Variants in DHRS1 observed in about 807,000 individuals in gnomAD.
DHRS1 encodes dehydrogenase/reductase 1, also known as dehydrogenase/reductase SDR family member 1.
In DHRS1, 34 loss-of-function variants were observed where a neutral mutation model predicts 35.2. The observed-to-expected ratio is 0.97, with a 90% confidence interval of 0.74 to 1.29. The LOEUF (loss-of-function observed/expected upper bound fraction) is 1.29. Ranked by LOEUF, DHRS1 falls within the 50% of genes most tolerant of loss-of-function variation. DHRS1 has a pLI of 0.00. For synonymous variants in DHRS1, 133 were observed against 160.0 expected (o/e 0.83, Z 1.27); for missense variants, 354 against 403.6 (o/e 0.88, Z 1.05).
In DHRS1 at chr14:24,292,705, G is replaced by A. The variant is rs2041183903; in HGVS notation, c.454C>T (p.Pro152Ser). 6.2e-7 allele frequency: 1 copy of A among 1,614,208 alleles called. No individual in the cohort carries two copies. The highest frequency in any genetic ancestry group is 1.3e-5 in the African/African-American group (1 of 75,040). The part of the protein sequence containing the change: ...GQGLIVVISS[P>S]GSLQYMFNVP... ...TTGAACATATACTGCAGGCTTCCTG[G>A]GGAGGAGATGACCACGATGAGCCCC... The change falls in exon 5 of 9, where the codon CCA (proline) becomes TCA (serine). Residue 152 changes from proline (P) to serine (S), a missense_variant. Pro to Ser is a moderately conservative substitution (Grantham distance 74). Coordinates refer to ENST00000288111, the MANE Select transcript of DHRS1 (RefSeq NM_001136050.3).
chr14:24,292,140 C>A, intron 6 of DHRS1, 44 bp downstream of exon 6: 7 of 1,611,858 alleles, frequency 4.3e-6, no homozygotes, highest in Non-Finnish European at 5.9e-6. Flanking sequence ...GATGCAGAGG[C>A]CGACTCCCCT....
At chr14:24,297,780 C>G (rs1374218862) in intron 2 of DHRS1, among the ~76,000 whole-genome samples, 1 of 152,170 alleles carries the variant, frequency 6.6e-6, no homozygotes, top group Admixed American at 6.5e-5. Context: ...CGTCCCTATG[C>G]TTATGGAGCT....
Position 24,291,604 on chromosome 14 carries a change from C to T in DHRS1, c.676G>A (p.Ala226Thr). The change falls in exon 7 of 9, where the codon GCG (alanine) becomes ACG (threonine). Residue 226 changes from alanine (A) to threonine (T), a missense_variant. Coordinates refer to ENST00000288111, the MANE Select transcript of DHRS1 (RefSeq NM_001136050.3). Reference protein sequence around the residue: ...LKQFKSAFSSAETTELSGKCV... With the variant: ...LKQFKSAFSSTETTELSGKCV... ...TTGCCACTCAATTCTGTGGTTTCCG[C>T]AGATGAGAAGGCTGATTTGAACTGA... 6.2e-7 allele frequency: 1 copy of T among 1,614,234 alleles called. No homozygotes were observed. Among genetic ancestry groups the T allele is most frequent in the South Asian group, 1.1e-5 (1 of 91,090 alleles).
intron 6 of DHRS1, 35 bp downstream of exon 6, chr14:24,292,149 C>T (rs778208180): frequency 6.2e-7 from 1 of 1,613,704 alleles, no homozygotes; most frequent in Non-Finnish European, 8.5e-7. Flanking sequence ...GCCGACTCCC[C>T]TGTTCTCTGC....
Position 24,296,584 on chromosome 14 carries a change from A to G in DHRS1, c.299T>C (p.Ile100Thr). ...GAATGCCTTATTCCTGGTGTTCAGG[A>G]TCGTCTGGAAGGCACAGGGAGGGTG... ...VNNAYAGVQT[I>T]LNTRNKAFWE... Residue 100 changes from isoleucine to threonine, a missense_variant, in exon 4 of 9, where the codon ATC becomes ACC. By Grantham distance (89) the Ile-to-Thr change is moderately conservative. Coordinates refer to ENST00000288111, the MANE Select transcript of DHRS1 (RefSeq NM_001136050.3). 6.2e-7 allele frequency: 1 copy of G among 1,614,042 alleles called. No individual in the cohort carries two copies. The highest frequency in any genetic ancestry group is 1.1e-5 in the South Asian group (1 of 91,076).
intron 4 of DHRS1, chr14:24,294,572 A>G (rs1287239626): frequency 6.7e-6 from 1 of 148,690 alleles, no homozygotes; most frequent in Non-Finnish European, 1.5e-5. Context: ...TGGGTGACAG[A>G]GCGAGATTCC....
At chr14:24,296,985 C>T in intron 2 of DHRS1, 104 bp from the exon 3 acceptor site, 1 of 1,491,372 alleles carries the variant, frequency 6.7e-7, no homozygotes, top group African/African-American at 1.4e-5. Flanking sequence ...ACAATCAATC[C>T]TAGGAGAGCC....
intron 1 of DHRS1, 82 bp downstream of exon 1, chr14:24,299,499 C>G: frequency 4.7e-6 from 1 of 213,498 alleles, no homozygotes. Context: ...CCGGCTGAGC[C>G]AGAGGCGCAG....
At chr14:24,291,771 A>G in intron 6 of DHRS1, 146 bp from the exon 7 acceptor site, 1 of 803,868 alleles carries the variant, frequency 1.2e-6, no homozygotes, top group South Asian at 1.5e-5. Context: ...GACCCAAAGT[A>G]TTGGCAGGTG....
At chr14:24,299,221 C>T in intron 1 of DHRS1, 91 bp from the exon 2 acceptor site, 1 of 1,244,590 alleles carries the variant, frequency 8.0e-7, no homozygotes, top group Admixed American at 2.7e-5. Flanking sequence ...CTCACTAGGG[C>T]TAAGAGGAGG....
At chr14:24,291,810 G>A (rs1594602810) in intron 6 of DHRS1, 185 bp from the exon 7 acceptor site, 2 of 653,518 alleles carry the variant, frequency 3.1e-6, no homozygotes, top group Non-Finnish European at 5.4e-6. Flanking sequence ...ACATCCAGGT[G>A]AGCCCTGTGC....
rs774597422 is a variant in DHRS1 at position 24,296,502 on chromosome 14, C to T, written c.374+7G>A. On this transcript the variant is annotated splice_region_variant and intron_variant, in intron 4 of 8. Transcript: ENST00000288111. ...GGGAACATGGGTCCTGGCAGTGGAG[C>T]ACCCACCTGAGTCCGACGTTGTTGA... The T allele has an allele frequency of 1.2e-6, 2 of 1,614,058 alleles. No homozygotes were observed. The highest frequency in any genetic ancestry group is 2.2e-5 in the East Asian group (1 of 44,888).
chr14:24,299,226 A>G, intron 1 of DHRS1, 96 bp from the exon 2 acceptor site: 1 of 1,189,892 alleles, frequency 8.4e-7, no homozygotes, highest in Non-Finnish European at 1.1e-6. Context: ...TAGGGCTAAG[A>G]GGAGGAGCCA....
At chr14:24,293,591 AAAAG>A (rs1566402654) in intron 4 of DHRS1, 1 of 151,668 alleles carries the variant, frequency 6.6e-6, no homozygotes, top group Non-Finnish European at 1.5e-5. Context: ...TAAATAAATA[AAAAG>A]AAAGAGAACA....
chr14:24,297,728 C>G (rs2139104049), intron 2 of DHRS1, among the ~76,000 whole-genome samples: 1 of 152,346 alleles, frequency 6.6e-6, no homozygotes. Flanking sequence ...TCACTCACTA[C>G]TCTTCCCTTG....
intron 4 of DHRS1, chr14:24,293,289 G>GA (rs2041193872): frequency 6.5e-6 from 1 of 153,220 alleles, no homozygotes; most frequent in Admixed American, 6.5e-5. Context: ...AGAACAGCCA[G>GA]AAAAGCTGGG....
At position 24,299,195 on chromosome 14, in the gene DHRS1, G is replaced by A. The variant is rs1348539272; in HGVS notation, c.-24-65C>T. On this transcript the variant is annotated intron_variant, in intron 1 of 8. Transcript: ENST00000288111. ...CTGTGTGTGTGTTGGGGCGAGGTTG[G>A]GGGGTAGGGGAGAACCTCACTAGGG... The A allele has an allele frequency of 1.3e-5, 19 of 1,443,972 alleles. 1 individual carries two copies. In the East Asian group the frequency reaches 3.2e-4, roughly 24 times the overall value. 89.4% of individuals were successfully genotyped at this position (1,443,972 alleles called of 1,614,324 possible).
chr14:24,290,920 T>TA lies in DHRS1; in HGVS notation c.880dup (p.Tyr294LeufsTer18), dbSNP rs1205655239. The TA allele has an allele frequency of 1.2e-6, 2 of 1,613,430 alleles. No individual in the cohort carries two copies. Among genetic ancestry groups the TA allele is most frequent in the African/African-American group, 2.7e-5 (2 of 74,690 alleles). On this transcript the variant is annotated frameshift_variant, in exon 9 of 9. Coordinates refer to ENST00000288111, the MANE Select transcript of DHRS1 (RefSeq NM_001136050.3). LOFTEE classifies it high-confidence loss of function. ...GGGCACACGGAGGAAGGAGGGCAGGTAGGAGGCCAGCCAGCCCAGGCCGGA... is the reference window on the plus strand; with the variant it reads ...GGGCACACGGAGGAAGGAGGGCAGGTAAGGAGGCCAGCCAGCCCAGGCCGGA...
chr14:24,299,355 T>C, intron 1 of DHRS1: 1 of 449,078 alleles, frequency 2.2e-6, no homozygotes. Context: ...AGTGGGACTG[T>C]CCAGAGGTGG....
Sources: allele counts gnomAD v4.1 joint callset (sites outside exome capture counted in the v4.1 genomes callset), GRCh38; gene constraint gnomAD v4.1.1; transcripts MANE v1.5; gene names NCBI Gene and HGNC (gene_info 2026-07-23, HGNC 2026-07-21).